Variants in RMST observed in about 807,000 individuals in gnomAD.
The protein encoded by RMST is long intergenic non-protein coding RNA 54.
chr12:97,499,489 C>T (rs999369516), intron 10 of RMST, among the ~76,000 whole-genome samples: 24 of 152,068 alleles, frequency 1.6e-4, no homozygotes, highest in African/African-American at 5.8e-4. Flanking sequence ...GCTTAGAAAA[C>T]CATTTAATTT....
chr12:97,500,062 G>A (rs1160228934), intron 10 of RMST, among the ~76,000 whole-genome samples: 7 of 152,296 alleles, frequency 4.6e-5, no homozygotes, highest in African/African-American at 1.7e-4. Flanking sequence ...AGGAGAGATA[G>A]GATGATCTAT....
chr12:97,483,128 C>A (rs75718479), intron 5 of RMST, among the ~76,000 whole-genome samples: 11,485 of 152,072 alleles, frequency 0.076, 658 homozygotes, highest in Middle Eastern at 0.13. Context: ...TTTTTAGTTT[C>A]TTGGCCCTTT....
At chr12:97,526,704 T>G (rs11109095) in intron 10 of RMST, among the ~76,000 whole-genome samples, 15,483 of 152,138 alleles carry the variant, frequency 0.1, 1,630 homozygotes, top group African/African-American at 0.27. Context: ...GGAAGCTATT[T>G]ATTACTATTA....
At chr12:97,511,179 C>T (rs1175646885) in intron 10 of RMST, among the ~76,000 whole-genome samples, 4 of 148,612 alleles carry the variant, frequency 2.7e-5, no homozygotes, top group Non-Finnish European at 5.9e-5. Flanking sequence ...GATGGCGTCT[C>T]GCTCTGTCGC....
intron 9 of RMST, among the ~76,000 whole-genome samples, chr12:97,495,271 A>G (rs1877277921): frequency 6.6e-6 from 1 of 152,188 alleles, no homozygotes; most frequent in African/African-American, 2.4e-5. Flanking sequence ...CAAACCAAAG[A>G]CAATGGCATA....
intron 11 of RMST, among the ~76,000 whole-genome samples, chr12:97,534,674 A>C (rs1881929339): frequency 6.6e-6 from 1 of 151,638 alleles, no homozygotes; most frequent in Admixed American, 6.6e-5. Context: ...AAGACATTTT[A>C]TTTCTTTATG....
intron 10 of RMST, among the ~76,000 whole-genome samples, chr12:97,527,973 A>T (rs967795445): frequency 2.0e-5 from 3 of 152,122 alleles, no homozygotes; most frequent in African/African-American, 7.2e-5. Flanking sequence ...AATAACTAAG[A>T]TATATAATGA....
At chr12:97,533,092 A>T (rs1343842424) in intron 11 of RMST, 1 of 151,840 alleles carries the variant, frequency 6.6e-6, no homozygotes, top group Non-Finnish European at 1.5e-5. Context: ...CTGGTGGCAG[A>T]GAATATACAA....
intron 11 of RMST, among the ~76,000 whole-genome samples, chr12:97,540,262 C>T (rs1439669175): frequency 6.6e-6 from 1 of 151,730 alleles, no homozygotes; most frequent in African/African-American, 2.4e-5. Flanking sequence ...TGAATAAAAA[C>T]TATGACCATT....
intron 11 of RMST, among the ~76,000 whole-genome samples, chr12:97,556,312 T>G (rs946649822): frequency 6.6e-6 from 1 of 152,168 alleles, no homozygotes; most frequent in African/African-American, 2.4e-5. Context: ...TTTTCTTCTG[T>G]GAGTCCAAAT....
intron 11 of RMST, among the ~76,000 whole-genome samples, chr12:97,553,949 C>CTTTTTTT (rs756008010): frequency 4.6e-4 from 55 of 120,268 alleles, no homozygotes; most frequent in Non-Finnish European, 5.5e-4. Context: ...TTTTCTTTCT[C>CTTTTTTT]TTTTTTTTTT....
rs542337086 is a variant in RMST at position 97,502,984 on chromosome 12, A to G, written n.1340+6928A>G. On this transcript the variant is annotated intron_variant and non_coding_transcript_variant, in intron 10 of 13. Coordinates refer to ENST00000640149, the Ensembl canonical transcript of RMST. The stretch of plus-strand genomic sequence containing the variant: ...GTCTCCCAATAGAGCACCTGTTTTC[A>G]TGGAATCTTTCATGTTATTTCTCTG... 1.1e-4 allele frequency among the ~76,000 whole-genome samples: 16 copies of G among 152,238 alleles called. No homozygotes were observed. The South Asian group carries it at 2.5e-3, about 24-fold the overall frequency.
At chr12:97,499,089 G>C (rs1421729688) in intron 10 of RMST, among the ~76,000 whole-genome samples, 1 of 152,124 alleles carries the variant, frequency 6.6e-6, no homozygotes, top group East Asian at 1.9e-4. Flanking sequence ...CTGTCTCTAA[G>C]CCTGGGACCA....
intron 10 of RMST, among the ~76,000 whole-genome samples, chr12:97,510,767 T>C (rs570684676): frequency 2.0e-5 from 3 of 152,284 alleles, no homozygotes; most frequent in Admixed American, 2.0e-4. Context: ...ACCAAAATAG[T>C]CAAAAATTTA....
chr12:97,497,479 AG>A (rs1877563176), intron 10 of RMST, among the ~76,000 whole-genome samples: 1 of 152,230 alleles, frequency 6.6e-6, no homozygotes, highest in South Asian at 2.1e-4. Flanking sequence ...GTTTAAGTAT[AG>A]CAGCATTGCT....
chr12:97,547,006 T>G (rs1424148841), intron 11 of RMST, among the ~76,000 whole-genome samples: 1 of 151,942 alleles, frequency 6.6e-6, no homozygotes, highest in African/African-American at 2.4e-5. Flanking sequence ...TTCTATGAGT[T>G]AAACTTTTGT....
intron 6 of RMST, chr12:97,492,874 AT>A (rs1287499933): frequency 1.3e-5 from 2 of 152,318 alleles, no homozygotes; most frequent in East Asian, 3.9e-4. Flanking sequence ...TTTTGGAGAT[AT>A]TTTAAAATTG....
intron 10 of RMST, among the ~76,000 whole-genome samples, chr12:97,520,825 G>T (rs1880437070): frequency 6.6e-6 from 1 of 152,080 alleles, no homozygotes; most frequent in African/African-American, 2.4e-5. Context: ...GACCATATTG[G>T]AGCAAAAGGC....
intron 11 of RMST, among the ~76,000 whole-genome samples, chr12:97,551,166 G>GT (rs199727157): frequency 3.1e-4 from 32 of 104,898 alleles, no homozygotes; most frequent in East Asian, 6.1e-4. Flanking sequence ...ATGGTTCATT[G>GT]TTTTTAAAAA....
Sources: gnomAD v4.1 joint callset for allele counts (sites outside exome capture counted in the v4.1 genomes callset) on GRCh38, gnomAD v4.1.1 for gene constraint, MANE v1.5 for transcripts, NCBI Gene and HGNC (gene_info 2026-07-23, HGNC 2026-07-21) for gene names.